Variants in SEC16B observed in about 807,000 individuals in gnomAD.
SEC16B encodes the protein SEC16 homolog B, endoplasmic reticulum export factor.
In SEC16B, 115 loss-of-function variants were observed where a neutral mutation model predicts 141.8. The observed-to-expected ratio is 0.81, with a 90% CI of 0.70 to 0.95. The LOEUF (loss-of-function observed/expected upper bound fraction) is 0.95. SEC16B is among the 40% of genes least tolerant of loss of function. The pLI is 0.00. For synonymous variants in SEC16B, 493 were observed against 492.5 expected, an observed-to-expected ratio of 1.00 and a Z score of -0.01; for missense variants, 1,291 against 1,312.3, an observed-to-expected ratio of 0.98 and a Z score of 0.25.
chr1:177,952,770 C>A (rs745740806), intron 11 of SEC16B, among the ~76,000 whole-genome samples: 17 of 152,164 alleles, frequency 1.1e-4, no homozygotes, highest in Non-Finnish European at 1.9e-4. Context: ...AGAACACCGT[C>A]CTTTATTTAA....
Position 177,965,139 on chromosome 1 carries a change from C to T in SEC16B, c.441G>A (p.Trp147Ter). ...RVPRQRSPYI[W>*]HEDYREQKYL... ...ACTTTTGCTCTCGGTAATCTTCGTG[C>T]CAGATATAAGGACTCCGTTGCCTTG... Residue 147 changes from tryptophan to a stop codon, truncating the protein, a stop_gained, in exon 4 of 26, where the codon TGG (tryptophan) becomes TGA (stop). Transcript: ENST00000308284. LOFTEE classifies it high-confidence loss of function. The T allele has an allele frequency of 6.2e-7, 1 of 1,613,412 alleles. No homozygotes were observed. Among genetic ancestry groups the T allele is most frequent in the Non-Finnish European group, 8.5e-7 (1 of 1,179,692 alleles).
intron 18 of SEC16B, among the ~76,000 whole-genome samples, chr1:177,938,848 T>C (rs184451756): frequency 2.2e-4 from 33 of 152,104 alleles, no homozygotes; most frequent in African/African-American, 8.0e-4. Context: ...GGAATCAGAG[T>C]ACATTTGCCC....
intron 10 of SEC16B, among the ~76,000 whole-genome samples, chr1:177,955,190 A>G (rs1204946991): frequency 2.6e-5 from 4 of 151,028 alleles, no homozygotes; most frequent in African/African-American, 9.9e-5. Context: ...AATTGAATGT[A>G]TTCATTTCAA....
intron 2 of SEC16B, 66 bp from the exon 3 acceptor site, chr1:177,966,071 A>G (rs1653494320): frequency 1.1e-6 from 1 of 919,590 alleles, no homozygotes; most frequent in Admixed American, 2.2e-5. Context: ...ACCAATGAAG[A>G]ACTTGACAAA....
chr1:177,941,774 T>C (rs1280937000), intron 16 of SEC16B, 126 bp downstream of exon 16: 19 of 1,059,804 alleles, frequency 1.8e-5, no homozygotes, highest in Non-Finnish European at 2.6e-5. Flanking sequence ...TGGTCAAAGA[T>C]GGCCGTGGGC....
At chr1:177,964,665 G>A (rs1487263095) in intron 4 of SEC16B, among the ~76,000 whole-genome samples, 1 of 152,190 alleles carries the variant, frequency 6.6e-6, no homozygotes, top group Non-Finnish European at 1.5e-5. Context: ...CCATTCTCAG[G>A]GCTCAGGCGT....
intron 18 of SEC16B, among the ~76,000 whole-genome samples, chr1:177,937,722 T>G (rs903053325): frequency 5.3e-5 from 8 of 152,190 alleles, no homozygotes; most frequent in African/African-American, 1.9e-4. Flanking sequence ...TTGTTTGTTT[T>G]TTTCTTCACT....
At position 177,967,833 on chromosome 1, in the gene SEC16B, T is replaced by G. The variant is rs1427636999; in HGVS notation, c.149A>C (p.Gln50Pro). 6.2e-7 allele frequency: 1 copy of G among 1,613,876 alleles called. No homozygotes were observed. Among genetic ancestry groups the G allele is most frequent in the African/African-American group, 1.3e-5 (1 of 74,918 alleles). ...WHNGERFHQW[Q>P]DNRGSPQPQQ... is the part of the protein sequence containing the mutation. Reference sequence around the variant, plus strand: ...TGGCTGGGGGCTCCCACGGTTGTCTTGCCATTGGTGAAACCTCTCTCCATT... The same window carrying G: ...TGGCTGGGGGCTCCCACGGTTGTCTGGCCATTGGTGAAACCTCTCTCCATT... The change falls in exon 2 of 26, where the codon CAA (glutamine) becomes CCA (proline). Residue 50 changes from glutamine to proline, a missense_variant. Around this residue, in one of 3 missense-constraint regions of SEC16B, gnomAD observed 681 missense variants for 675.5 expected, o/e 1.01. Transcript: ENST00000308284.
Position 177,967,910 on chromosome 1 carries a change from G to C in SEC16B, c.72C>G (p.Asp24Glu), listed in dbSNP as rs752189771. The C allele has an allele frequency of 6.2e-7, 1 of 1,613,986 alleles. No homozygotes were observed. Among genetic ancestry groups the C allele is most frequent in the Admixed American group, 1.7e-5 (1 of 60,024 alleles). The stretch of plus-strand genomic sequence containing the variant: ...GATGTCCATCTCTCCGAAACCCTCG[G>C]TCTGGATCCTTTGAGGGTGCTGTGG... ...GKATAPSKDP[D>E]RGFRRDGHHR... The change falls in exon 2 of 26, where the codon GAC becomes GAG. Residue 24 changes from aspartate to glutamate, a missense_variant. Physicochemically the swap from Asp to Glu is conservative, Grantham distance 45. Coordinates refer to ENST00000308284, the MANE Select transcript of SEC16B (RefSeq NM_033127.4).
chr1:177,940,781 A>C (rs1168609663), intron 16 of SEC16B, 67 bp from the exon 17 acceptor site: 1 of 1,072,530 alleles, frequency 9.3e-7, no homozygotes, highest in Non-Finnish European at 1.4e-6. Flanking sequence ...AGGGAAGAGA[A>C]ATGGAAAGAC....
chr1:177,947,749 TGAGGAAAGGGACAGG>T, intron 13 of SEC16B, 61 bp downstream of exon 13: 1 of 499,378 alleles, frequency 2.0e-6, no homozygotes, highest in Non-Finnish European at 3.3e-6. Flanking sequence ...GGAGGGGAGG[TGAGGAAAGGGACAGG>T]GAGGGGAGGG....
chr1:177,967,903 A>T lies in SEC16B; in HGVS notation c.79T>A (p.Phe27Ile), dbSNP rs201351288. ...TAPSKDPDRG[F>I]RRDGHHRPVP... ...GGCCGATGATGTCCATCTCTCCGAA[A>T]CCCTCGGTCTGGATCCTTTGAGGGT... The change falls in exon 2 of 26, where the codon TTT (phenylalanine) becomes ATT (isoleucine). Residue 27 changes from phenylalanine to isoleucine, a missense_variant. Phe to Ile is a conservative substitution (Grantham distance 21). This residue lies in a region of SEC16B where 681 missense variants were observed against 675.5 expected (regional missense o/e 1.01). Transcript: ENST00000308284. 566 of 1,613,768 alleles carry T rather than the reference A, an allele frequency of 3.5e-4. 4 individuals are homozygous for T. In the African/African-American group the frequency reaches 6.8e-3, roughly 19 times the overall value.
intron 6 of SEC16B, 162 bp downstream of exon 6, chr1:177,961,428 A>G: frequency 1.5e-6 from 1 of 659,558 alleles, no homozygotes; most frequent in Non-Finnish European, 2.5e-6. Context: ...TTACAAGCAA[A>G]AAGAGAGAAA....
At chr1:177,946,612 T>C in intron 13 of SEC16B, 81 bp from the exon 14 acceptor site, 2 of 1,067,028 alleles carry the variant, frequency 1.9e-6, no homozygotes, top group Non-Finnish European at 1.4e-6. Flanking sequence ...GGGAGACAGA[T>C]GGAAGAGTGG....
intron 16 of SEC16B, 68 bp from the exon 17 acceptor site, chr1:177,940,782 A>T: frequency 9.6e-7 from 1 of 1,042,666 alleles, no homozygotes; most frequent in Non-Finnish European, 1.5e-6. Context: ...GGGAAGAGAA[A>T]TGGAAAGACA....
At chr1:177,947,712 A>AGGGATG (rs1469151442) in intron 13 of SEC16B, 113 bp downstream of exon 13, 6 of 343,662 alleles carry the variant, frequency 1.7e-5, no homozygotes, top group East Asian at 1.1e-4. Flanking sequence ...AGGTGAGGAG[A>AGGGATG]GGGAGGGGAG....
At chr1:177,955,097 A>G (rs1023108946) in intron 10 of SEC16B, among the ~76,000 whole-genome samples, 2 of 151,974 alleles carry the variant, frequency 1.3e-5, no homozygotes, top group Non-Finnish European at 2.9e-5. Context: ...AAGCCTCAAT[A>G]GAAAAATGCA....
chr1:177,948,753 G>C (rs1242247636), intron 12 of SEC16B: 3 of 1,142,286 alleles, frequency 2.6e-6, no homozygotes, highest in South Asian at 1.6e-5. Context: ...TACCTACCTT[G>C]AGCAAGTTTC....
chr1:177,967,642 A>G lies in SEC16B; in HGVS notation c.299+41T>C, dbSNP rs375183588. On this transcript the variant is annotated intron_variant, in intron 2 of 25. Coordinates refer to ENST00000308284, the MANE Select transcript of SEC16B (RefSeq NM_033127.4). ...GGAAAAGAACAACCTATTCATACGC[A>G]TTTAGGAGAGTTGCATTCATTCCAA... 2.5e-5 allele frequency: 38 copies of G among 1,518,516 alleles called. 1 individual carries two copies. The African/African-American group carries it at 4.9e-4, about 19-fold the overall frequency. 94.1% of individuals were successfully genotyped at this position (1,518,516 alleles called of 1,614,324 possible).
Sources: allele counts gnomAD v4.1 joint callset (sites outside exome capture counted in the v4.1 genomes callset), GRCh38; gene constraint gnomAD v4.1.1; regional missense constraint gnomAD v4.1.1; transcripts MANE v1.5; gene names NCBI Gene and HGNC (gene_info 2026-07-23, HGNC 2026-07-21).